The following CELF2 variants were observed in gnomAD, a reference collection of about 807,000 sequenced individuals.
CELF2 encodes CUG triplet repeat RNA-binding protein 2.
CELF2 carries 8 observed loss-of-function variants against 62.6 expected under a neutral mutation model. The observed-to-expected ratio is 0.13, with a 90% CI of 0.07 to 0.23. The LOEUF (loss-of-function observed/expected upper bound fraction) is 0.23. CELF2 is among the 10% of genes least tolerant of loss of function. The pLI is 1.00. For missense variants in CELF2, 333 were observed against 671.0 expected, an observed-to-expected ratio of 0.50 and a Z score of 5.56; for synonymous variants, 258 against 250.0, an observed-to-expected ratio of 1.03 and a Z score of -0.30.
intron 1 of CELF2, among the ~76,000 whole-genome samples, chr10:10,888,715 A>G (rs551870036): frequency 1.3e-5 from 2 of 151,882 alleles, no homozygotes; most frequent in East Asian, 3.9e-4. Context: ...TGCCTCAAAC[A>G]CTCTTTTTCT....
At chr10:10,675,799 A>T in the CELF2 span, among the ~76,000 whole-genome samples, 18 of 152,148 alleles carry the variant, frequency 1.2e-4, no homozygotes, top group Non-Finnish European at 2.9e-5. Context: ...GATCTGTGGC[A>T]TGTCTTTCAG....
chr10:10,683,043 C>T, the CELF2 span, among the ~76,000 whole-genome samples: 2 of 152,150 alleles, frequency 1.3e-5, no homozygotes, highest in Non-Finnish European at 2.9e-5. Flanking sequence ...TCTCTTTTCT[C>T]TAATTTCAAG....
At chr10:11,279,302 C>T (rs557413022) in intron 8 of CELF2, among the ~76,000 whole-genome samples, 1 of 152,204 alleles carries the variant, frequency 6.6e-6, no homozygotes, top group Admixed American at 6.5e-5. Context: ...TTATGGAGTG[C>T]AAATATTTGC....
At chr10:11,000,640 T>A (rs1408976585), upstream of CELF2, among the ~76,000 whole-genome samples, 1 of 152,130 alleles carries the variant, frequency 6.6e-6, no homozygotes, top group African/African-American at 2.4e-5. Flanking sequence ...GACTGACAGG[T>A]CATTTTTGAG....
intron 2 of CELF2, among the ~76,000 whole-genome samples, chr10:11,180,826 A>G (rs1042951173): frequency 1.3e-5 from 2 of 152,142 alleles, no homozygotes; most frequent in African/African-American, 4.8e-5. Context: ...GCAAAGTAAC[A>G]CATCTAAGTA....
chr10:10,875,018 T>C (rs2060992989), intron 1 of CELF2, among the ~76,000 whole-genome samples: 1 of 152,228 alleles, frequency 6.6e-6, no homozygotes, highest in African/African-American at 2.4e-5. Context: ...GAATAGTTAA[T>C]ATAGACCCTT....
At chr10:11,188,021 A>G (rs1464912335) in intron 2 of CELF2, among the ~76,000 whole-genome samples, 2 of 152,170 alleles carry the variant, frequency 1.3e-5, no homozygotes, top group East Asian at 1.9e-4. Flanking sequence ...TGGGCAGCCA[A>G]TCATCTGGTG....
At chr10:11,038,808 T>C (rs2061370618) in intron 1 of CELF2, among the ~76,000 whole-genome samples, 1 of 152,178 alleles carries the variant, frequency 6.6e-6, no homozygotes, top group South Asian at 2.1e-4. Context: ...TGGAACCCCA[T>C]AGGTGGGCTT....
chr10:10,505,881 A>G, the CELF2 span, among the ~76,000 whole-genome samples: 6 of 152,182 alleles, frequency 3.9e-5, no homozygotes, highest in African/African-American at 1.4e-4. Context: ...CAACGACTTC[A>G]GCTCTATATC....
chr10:11,275,290 G>T (rs1189815112), intron 8 of CELF2, among the ~76,000 whole-genome samples, 170 bp downstream of exon 8: 4 of 152,060 alleles, frequency 2.6e-5, no homozygotes, highest in Non-Finnish European at 5.9e-5. Context: ...AAGTGTCTCT[G>T]TTATTTCTTA....
chr10:11,249,241 G>C (rs112631260), intron 4 of CELF2, 40 bp downstream of exon 4: 1 of 1,533,220 alleles, frequency 6.5e-7, no homozygotes, highest in Admixed American at 1.7e-5. Flanking sequence ...AATAATATCT[G>C]CTGCTTTAAA....
At chr10:10,757,224 G>T in the CELF2 span, among the ~76,000 whole-genome samples, 33,970 of 152,034 alleles carry the variant, frequency 0.22, 4,249 homozygotes, top group Middle Eastern at 0.28. Context: ...TTGGGAGGTC[G>T]AGGTAGGAAC....
At chr10:10,912,724 G>A (rs764126407) in intron 1 of CELF2, among the ~76,000 whole-genome samples, 1 of 152,194 alleles carries the variant, frequency 6.6e-6, no homozygotes, top group South Asian at 2.1e-4. Context: ...CAGAAGGGGT[G>A]CAGGAGTATA....
At chr10:10,468,250 G>T in the CELF2 span, among the ~76,000 whole-genome samples, 1 of 151,910 alleles carries the variant, frequency 6.6e-6, no homozygotes, top group Non-Finnish European at 1.5e-5. Context: ...TCTTTCTTTG[G>T]CCCTCCACAA....
intron 3 of CELF2, among the ~76,000 whole-genome samples, chr10:11,238,129 C>T (rs536781176): frequency 6.6e-6 from 1 of 152,164 alleles, no homozygotes; most frequent in Non-Finnish European, 1.5e-5. Flanking sequence ...TCATTGACTT[C>T]GGAAGACAGT....
At chr10:10,598,334 C>G in the CELF2 span, among the ~76,000 whole-genome samples, 1 of 152,156 alleles carries the variant, frequency 6.6e-6, no homozygotes, top group Non-Finnish European at 1.5e-5. Flanking sequence ...AGTCATCCTT[C>G]TTCTAGAGGG....
chr10:11,221,196 T>C (rs2136044760), intron 3 of CELF2, among the ~76,000 whole-genome samples: 1 of 152,356 alleles, frequency 6.6e-6, no homozygotes, highest in South Asian at 2.1e-4. Context: ...GGTTTTGGAC[T>C]AATTTTGGTT....
chr10:10,744,848 T>C, the CELF2 span, among the ~76,000 whole-genome samples: 3 of 151,568 alleles, frequency 2.0e-5, no homozygotes, highest in African/African-American at 4.8e-5. Flanking sequence ...AGGAGGGAGA[T>C]TTTCCCACCC....
upstream of CELF2, among the ~76,000 whole-genome samples, chr10:11,003,835 A>T (rs1336938367): frequency 3.3e-5 from 5 of 152,186 alleles, no homozygotes; most frequent in African/African-American, 1.2e-4. The surrounding 1 kb of genome is among the most constrained non-coding windows in gnomAD (Gnocchi z 4.4). Flanking sequence ...AGAATGAAGC[A>T]AGAATATGTA....
Sources: allele counts gnomAD v4.1 joint callset (sites outside exome capture counted in the v4.1 genomes callset), GRCh38; gene constraint gnomAD v4.1.1; non-coding constraint Gnocchi (gnomAD v3.1); transcripts MANE v1.5; gene names NCBI Gene and HGNC (gene_info 2026-07-23, HGNC 2026-07-21).